The following SUN1 variants were observed in gnomAD, a reference collection of about 807,000 sequenced individuals.
The protein encoded by SUN1 is Sad1 and UNC84 domain containing 1.
In SUN1, 61 loss-of-function variants were observed where a neutral mutation model predicts 103.2. The ratio of observed to expected loss-of-function variants is 0.59; its 90% confidence interval spans 0.48 to 0.73. The LOEUF (loss-of-function observed/expected upper bound fraction) is 0.73, where lower values mean the gene tolerates loss of function less well. Ranked by LOEUF, SUN1 falls within the 30% of genes least tolerant of loss-of-function variation. The probability of loss-of-function intolerance (pLI) is 0.00; values close to 1 mark genes in which losing one functional copy is unlikely to be tolerated. For missense variants in SUN1, 1,052 were observed against 1,034.6 expected (o/e 1.02, Z -0.23); for synonymous variants, 490 against 425.7 (o/e 1.15, Z -1.86).
chr7:831,569 C>T (rs928890050), upstream of SUN1, among the ~76,000 whole-genome samples: 4 of 152,140 alleles, frequency 2.6e-5, no homozygotes, highest in Admixed American at 6.5e-5. Context: ...CGCACCCGGC[C>T]GAAACATGTT....
At chr7:855,360 G>A (rs553782234) in intron 11 of SUN1, among the ~76,000 whole-genome samples, 4 of 152,338 alleles carry the variant, frequency 2.6e-5, no homozygotes, top group African/African-American at 9.6e-5. Context: ...CTTCAGAGGG[G>A]GGATAAAGGA....
At chr7:857,198 G>A (rs1043976938) in intron 12 of SUN1, among the ~76,000 whole-genome samples, 7 of 152,126 alleles carry the variant, frequency 4.6e-5, no homozygotes, top group African/African-American at 1.2e-4. Flanking sequence ...GTGGTTTCCC[G>A]AGGTCCCCGC....
At chr7:869,613 C>T (rs1160758363) in intron 17 of SUN1, 97 bp downstream of exon 17, 3 of 1,416,590 alleles carry the variant, frequency 2.1e-6, no homozygotes, top group Non-Finnish European at 2.9e-6. Flanking sequence ...CGGCTGCCTC[C>T]CGCTGCCCCT....
chr7:825,253 A>G (rs375332097), intron 1 of SUN1, among the ~76,000 whole-genome samples: 138 of 152,242 alleles, frequency 9.1e-4, no homozygotes, highest in South Asian at 1.2e-3. Context: ...CAGTAGAGAC[A>G]GGGTTTCACT....
rs750658890 is a variant in SUN1 at position 866,010 on chromosome 7, G to A, written c.1923G>A (p.Met641Ile). ...SETYETKTAL[M>I]SLFGIPLWYF... ...CTTACGAAACCAAAACGGCGCTGATGAGTCTGTTTGGGATCCCGCTGTGGT... is the reference window on the plus strand; with the variant it reads ...CTTACGAAACCAAAACGGCGCTGATAAGTCTGTTTGGGATCCCGCTGTGGT... Residue 641 changes from methionine (M) to isoleucine (I), a missense_variant, in exon 16 of 19, where the codon ATG becomes ATA. Coordinates refer to ENST00000401592, the MANE Select transcript of SUN1 (RefSeq NM_001130965.3). 3.9e-5 allele frequency: 63 copies of A among 1,614,014 alleles called. No individual in the cohort carries two copies. The highest frequency in any genetic ancestry group is 5.2e-5 in the Non-Finnish European group (61 of 1,180,014).
At chr7:817,151 G>A in intron 1 of SUN1, 1 of 450,348 alleles carries the variant, frequency 2.2e-6, no homozygotes, top group South Asian at 2.2e-5. Flanking sequence ...TAAGAGGGGG[G>A]GTCTCGCTGT....
rs545128520 is a variant in SUN1, at chr7:836,273, C to T, written c.78-2525C>T. Among the ~76,000 whole-genome samples, 89 of 152,304 alleles carry T rather than the reference C, an allele frequency of 5.8e-4. 3 individuals are homozygous for T. The South Asian group carries it at 0.018, about 32-fold the overall frequency. ...AGGGAAGGAGGAACTCCATCCAGAG[C>T]ACGCAGGCTTGGCTCGGGATTACTT... On this transcript the variant is annotated intron_variant, in intron 1 of 18. Coordinates refer to ENST00000401592, the MANE Select transcript of SUN1 (RefSeq NM_001130965.3).
upstream of SUN1, among the ~76,000 whole-genome samples, chr7:828,165 A>G (rs933998229): frequency 4.6e-5 from 7 of 151,818 alleles, no homozygotes; most frequent in African/African-American, 1.5e-4. Context: ...CGCCCTCCCA[A>G]AGTGTTGGGA....
chr7:852,571 A>AT (rs761110726), intron 7 of SUN1, 38 bp from the exon 8 acceptor site: 1 of 1,613,590 alleles, frequency 6.2e-7, no homozygotes, highest in South Asian at 1.1e-5. Flanking sequence ...CCTGACTTTC[A>AT]TTTTTTCTAA....
intron 1 of SUN1, among the ~76,000 whole-genome samples, chr7:834,081 G>C (rs1800539033): frequency 6.6e-6 from 1 of 151,674 alleles, no homozygotes; most frequent in South Asian, 2.1e-4. Flanking sequence ...TGTAGGCTGG[G>C]CTGGGAATTT....
chr7:871,884 C>T (rs1841968394), intron 17 of SUN1, among the ~76,000 whole-genome samples: 1 of 152,244 alleles, frequency 6.6e-6, no homozygotes, highest in Admixed American at 6.5e-5. Flanking sequence ...CTAATAAGTG[C>T]ACAGTCCAGT....
intron 6 of SUN1, 49 bp downstream of exon 6, chr7:851,531 G>A (rs1320839049): frequency 1.4e-6 from 2 of 1,449,264 alleles, no homozygotes; most frequent in South Asian, 1.2e-5. Flanking sequence ...GCTTCTGGCA[G>A]CTAAGCACCT....
chr7:820,610 T>C (rs1324362074), intron 1 of SUN1, among the ~76,000 whole-genome samples: 1 of 152,182 alleles, frequency 6.6e-6, no homozygotes, highest in African/African-American at 2.4e-5. Context: ...TGAAGAGCAG[T>C]GGTGAAAGTG....
chr7:843,119 C>A lies in SUN1; in HGVS notation c.452-87C>A, dbSNP rs1811765288. Reference sequence around the variant, plus strand: ...ATGCTGATTTATTAACCATTGTAACCTTTACATTTTTTAATGGGTTTTGTT... The same window carrying A: ...ATGCTGATTTATTAACCATTGTAACATTTACATTTTTTAATGGGTTTTGTT... On this transcript the variant is annotated intron_variant, in intron 3 of 18. Coordinates refer to ENST00000401592, the MANE Select transcript of SUN1 (RefSeq NM_001130965.3). The A allele has an allele frequency of 2.5e-6, 4 of 1,570,836 alleles. No homozygotes were observed. The South Asian group carries it at 4.7e-5, about 18-fold the overall frequency.
At chr7:848,435 G>T in intron 5 of SUN1, 1 of 1,359,808 alleles carries the variant, frequency 7.4e-7, no homozygotes, top group South Asian at 1.2e-5. Flanking sequence ...GTCTTTCTAC[G>T]TGAATAGGAT....
chr7:862,037 C>T (rs540851000), intron 15 of SUN1, among the ~76,000 whole-genome samples: 23 of 152,324 alleles, frequency 1.5e-4, no homozygotes, highest in Non-Finnish European at 2.2e-4. Flanking sequence ...CAGCCCACTC[C>T]GTGGTGAGTG....
chr7:872,959 C>T (rs1466562286), intron 18 of SUN1, among the ~76,000 whole-genome samples: 2 of 152,144 alleles, frequency 1.3e-5, no homozygotes, highest in African/African-American at 4.8e-5. Context: ...TGGTGGCGCA[C>T]GCCTGTAATC....
In SUN1 at chr7:851,959, C is replaced by A; in HGVS notation, c.767C>A (p.Ala256Asp). 6.2e-7 allele frequency: 1 copy of A among 1,613,970 alleles called. No homozygotes were observed. The highest frequency in any genetic ancestry group is 8.5e-7 in the Non-Finnish European group (1 of 1,179,944). Reference protein sequence around the residue: ...WLAVVAPGKAASGVFWWLGIG... With the variant: ...WLAVVAPGKADSGVFWWLGIG... Reference sequence around the variant, plus strand: ...GTGTTTTCTCTTGTAGGGAAGGCAGCCTCTGGAGTGTTCTGGTGGCTGGGG... The same window carrying A: ...GTGTTTTCTCTTGTAGGGAAGGCAGACTCTGGAGTGTTCTGGTGGCTGGGG... Residue 256 changes from alanine to aspartate, a missense_variant, in exon 7 of 19, where the codon GCC becomes GAC. Physicochemically the swap from Ala to Asp is moderately radical, Grantham distance 126. This residue lies in a region of SUN1 where 846 missense variants were observed against 774.5 expected (regional missense o/e 1.09). Coordinates refer to ENST00000401592, the MANE Select transcript of SUN1 (RefSeq NM_001130965.3).
rs78670042 is a variant in SUN1 at position 818,128 on chromosome 7, C to T, written c.-74+1455C>T. Among the ~76,000 whole-genome samples, 538 of 152,272 alleles carry T rather than the reference C, an allele frequency of 3.5e-3. 1 individual carries two copies. Among genetic ancestry groups the T allele is most frequent in the African/African-American group, 0.013 (520 of 41,546 alleles). On this transcript the variant is annotated intron_variant, in intron 1 of 17. Transcript: ENST00000389574. ...ACGTAACGTAAAACAACATCACCAC[C>T]TAGTTACATAACTTTTTCATCATCC...
Sources: gnomAD v4.1 joint callset for allele counts (sites outside exome capture counted in the v4.1 genomes callset) on GRCh38, gnomAD v4.1.1 for gene constraint, gnomAD v4.1.1 regional missense constraint, MANE v1.5 for transcripts, NCBI Gene and HGNC (gene_info 2026-07-23, HGNC 2026-07-21) for gene names.